The following MYT1L variants were observed in gnomAD, a reference collection of about 807,000 sequenced individuals.
MYT1L encodes the protein myelin transcription factor 1 like.
MYT1L carries 12 observed loss-of-function variants against 126.7 expected under a neutral mutation model. The ratio of observed to expected loss-of-function variants is 0.09; its 90% CI spans 0.06 to 0.15. The LOEUF (loss-of-function observed/expected upper bound fraction) is 0.15, where lower values mean the gene tolerates loss of function less well. Among genes scored for constraint, MYT1L ranks in the 10% least tolerant of loss-of-function variants. MYT1L has a pLI of 1.00. For synonymous variants in MYT1L, 541 were observed against 604.2 expected (o/e 0.90, Z 1.53); for missense variants, 979 against 1,585.2 (o/e 0.62, Z 6.49).
At chr2:1,906,126 TA>T (rs1446024810) in intron 13 of MYT1L, among the ~76,000 whole-genome samples, 1 of 152,228 alleles carries the variant, frequency 6.6e-6, no homozygotes, top group Non-Finnish European at 1.5e-5. Context: ...AGCTATTTTT[TA>T]AAAAATCGCC....
In MYT1L at chr2:2,217,687, ACAACAACAAC is replaced by A. The variant is rs1454722838; in HGVS notation, c.-420-44709_-420-44700del. Among the ~76,000 whole-genome samples the A allele has an allele frequency of 2.2e-3, 255 of 116,324 alleles. 10 individuals carry two copies. Among genetic ancestry groups the A allele is most frequent in the South Asian group, 2.9e-3 (10 of 3,438 alleles). The allele number at this position is 116,324 out of a possible 152,430, so 76.3% of individuals were successfully genotyped here. A position where few individuals can be genotyped will look rare whatever the true frequency, so the allele number is the denominator to read the frequency against. ...CTCCATCTCAACAACAACAACAACA[ACAACAACAAC>A]AACAACAACAAAAAAAAAAAAAGAA... On this transcript the variant is annotated intron_variant, in intron 2 of 24. Coordinates refer to ENST00000647738, the MANE Select transcript of MYT1L (RefSeq NM_001303052.2).
At chr2:1,859,655 G>C (rs748575836) in intron 18 of MYT1L, among the ~76,000 whole-genome samples, 3 of 152,214 alleles carry the variant, frequency 2.0e-5, no homozygotes, top group Non-Finnish European at 2.9e-5. Flanking sequence ...CATGCAGATG[G>C]TATCACCCGC....
At chr2:2,316,151 C>T (rs1252125190) in intron 1 of MYT1L, among the ~76,000 whole-genome samples, 1 of 152,190 alleles carries the variant, frequency 6.6e-6, no homozygotes, top group Admixed American at 6.5e-5. Flanking sequence ...ACTGCCCAAC[C>T]TCAACATGAG....
chr2:2,050,799 G>A (rs894060710), intron 4 of MYT1L, among the ~76,000 whole-genome samples: 1 of 152,124 alleles, frequency 6.6e-6, no homozygotes, highest in African/African-American at 2.4e-5. Context: ...TTGCCGTGGC[G>A]GTGGTGCTAA....
intron 1 of MYT1L, among the ~76,000 whole-genome samples, chr2:2,300,481 A>G (rs954389794): frequency 3.9e-5 from 6 of 152,230 alleles, no homozygotes; most frequent in Non-Finnish European, 8.8e-5. Flanking sequence ...CATGGCGAGA[A>G]TCTCTCTCTT....
intron 21 of MYT1L, among the ~76,000 whole-genome samples, chr2:1,813,181 G>T (rs75668294): frequency 2.6e-5 from 4 of 152,218 alleles, no homozygotes; most frequent in East Asian, 1.9e-4. Flanking sequence ...CTGCAGGTGG[G>T]GGGGAGAGAG....
intron 3 of MYT1L, among the ~76,000 whole-genome samples, chr2:2,119,857 G>C (rs2080747578): frequency 6.6e-6 from 1 of 152,084 alleles, no homozygotes; most frequent in South Asian, 2.1e-4. Flanking sequence ...TAAAGTGAAA[G>C]TATTTTTTTT....
At chr2:2,330,038 G>A (rs1161262278) in intron 1 of MYT1L, among the ~76,000 whole-genome samples, 5 of 151,116 alleles carry the variant, frequency 3.3e-5, no homozygotes, top group Non-Finnish European at 7.4e-5. Flanking sequence ...ATTTTTATCT[G>A]TATGGGAGAC....
chr2:2,204,345 T>G (rs879259880), intron 2 of MYT1L, among the ~76,000 whole-genome samples: 1 of 150,676 alleles, frequency 6.6e-6, no homozygotes, highest in African/African-American at 2.5e-5. Flanking sequence ...TGGGAGAAAA[T>G]TTTTGCAACC....
intron 4 of MYT1L, among the ~76,000 whole-genome samples, chr2:2,029,141 A>G (rs2065948773): frequency 6.6e-6 from 1 of 152,248 alleles, no homozygotes; most frequent in African/African-American, 2.4e-5. Flanking sequence ...AGAGAAAGGT[A>G]ATATTTTATT....
intron 2 of MYT1L, among the ~76,000 whole-genome samples, chr2:2,227,162 C>A (rs1453529847): frequency 6.6e-6 from 1 of 152,252 alleles, no homozygotes; most frequent in South Asian, 2.1e-4. Context: ...TTGGCTCTGA[C>A]CACAGAGTGT....
At chr2:1,863,272 C>G (rs2044959772) in intron 18 of MYT1L, among the ~76,000 whole-genome samples, 1 of 152,160 alleles carries the variant, frequency 6.6e-6, no homozygotes. Flanking sequence ...GGACTATAAG[C>G]CAAGGTGCTG....
At chr2:1,993,997 C>T (rs561891059) in intron 5 of MYT1L, among the ~76,000 whole-genome samples, 230 of 152,328 alleles carry the variant, frequency 1.5e-3, no homozygotes, top group African/African-American at 3.8e-3. Flanking sequence ...CTGTACACTG[C>T]GGTGCTAACC....
At chr2:2,296,698 A>G (rs1450519396) in intron 1 of MYT1L, among the ~76,000 whole-genome samples, 3 of 152,176 alleles carry the variant, frequency 2.0e-5, no homozygotes, top group Non-Finnish European at 2.9e-5. Flanking sequence ...AGACACTTCA[A>G]GAACGGGTGC....
At chr2:1,932,353 C>G (rs2055120914) in intron 9 of MYT1L, among the ~76,000 whole-genome samples, 1 of 152,202 alleles carries the variant, frequency 6.6e-6, no homozygotes, top group African/African-American at 2.4e-5. Context: ...TAGCACAACC[C>G]TTTTATCAGA....
At chr2:1,792,260 T>C (rs2032246389) in intron 24 of MYT1L, 61 bp downstream of exon 24, 2 of 1,492,098 alleles carry the variant, frequency 1.3e-6, no homozygotes, top group Non-Finnish European at 1.8e-6. Flanking sequence ...AAACGGCATC[T>C]ACTTTAGGCT....
chr2:1,959,795 G>A (rs1194545672), intron 8 of MYT1L, among the ~76,000 whole-genome samples: 2 of 152,210 alleles, frequency 1.3e-5, no homozygotes, highest in African/African-American at 4.8e-5. Context: ...ACGGTCCTCT[G>A]TCCACAGTGC....
intron 21 of MYT1L, among the ~76,000 whole-genome samples, chr2:1,833,532 T>C (rs1174975755): frequency 6.6e-6 from 1 of 152,198 alleles, no homozygotes; most frequent in Non-Finnish European, 1.5e-5. Flanking sequence ...GAATTCTCCC[T>C]GACTCCTCCG....
intron 1 of MYT1L, among the ~76,000 whole-genome samples, chr2:2,292,643 T>A (rs1406616589): frequency 1.3e-5 from 2 of 151,792 alleles, no homozygotes; most frequent in Non-Finnish European, 2.9e-5. Context: ...GCCCTCAGGG[T>A]CCCAGCCTCC....
Sources: gnomAD v4.1 joint callset for allele counts (sites outside exome capture counted in the v4.1 genomes callset) on GRCh38, gnomAD v4.1.1 for gene constraint, MANE v1.5 for transcripts, NCBI Gene and HGNC (gene_info 2026-07-23, HGNC 2026-07-21) for gene names.